NR2F1-AS1: variants seen among roughly 807,000 people sequenced by gnomAD.
The protein encoded by NR2F1-AS1 is NR2F1 regulatory antisense RNA 1.
chr5:93,544,286 G>A (rs1289616723), intron 4 of NR2F1-AS1, among the ~76,000 whole-genome samples: 1 of 152,042 alleles, frequency 6.6e-6, no homozygotes. Flanking sequence ...AAGACAAAAA[G>A]GCAAATGGTG....
intron 4 of NR2F1-AS1, among the ~76,000 whole-genome samples, chr5:93,506,443 C>A (rs1226473796): frequency 2.0e-5 from 3 of 152,132 alleles, no homozygotes; most frequent in African/African-American, 4.8e-5. Flanking sequence ...TCTACTGGTA[C>A]AAATTGACTG....
chr5:93,550,831 G>A (rs1752209953), intron 4 of NR2F1-AS1, among the ~76,000 whole-genome samples: 1 of 152,110 alleles, frequency 6.6e-6, no homozygotes, highest in Admixed American at 6.6e-5. Flanking sequence ...TACAGCATGT[G>A]TCAACTATCA....
chr5:93,495,608 C>G (rs1028449203), intron 4 of NR2F1-AS1, among the ~76,000 whole-genome samples: 1 of 151,810 alleles, frequency 6.6e-6, no homozygotes, highest in Non-Finnish European at 1.5e-5. Context: ...GAAGATAATA[C>G]CTACTGTTTT....
chr5:93,491,065 G>A (rs991239801), intron 4 of NR2F1-AS1, among the ~76,000 whole-genome samples: 39 of 150,070 alleles, frequency 2.6e-4, no homozygotes, highest in Non-Finnish European at 4.3e-4. Flanking sequence ...GGTGGTGGTC[G>A]TTCCTGGTAA....
intron 4 of NR2F1-AS1, among the ~76,000 whole-genome samples, chr5:93,454,319 A>G (rs1197889273): frequency 2.6e-5 from 4 of 152,308 alleles, no homozygotes; most frequent in Admixed American, 1.3e-4. Context: ...AAAGAAAAAG[A>G]TAAAGGAGAT....
At chr5:93,450,221 T>C (rs1749798076) in intron 4 of NR2F1-AS1, among the ~76,000 whole-genome samples, 1 of 152,212 alleles carries the variant, frequency 6.6e-6, no homozygotes. Context: ...CCAAAGCTGA[T>C]TTTAAGTCAT....
chr5:93,490,427 G>C (rs1476312362), intron 4 of NR2F1-AS1, among the ~76,000 whole-genome samples: 1 of 152,008 alleles, frequency 6.6e-6, no homozygotes, highest in Non-Finnish European at 1.5e-5. Context: ...GGTGGTGGTG[G>C]TCATGGTGAT....
intron 4 of NR2F1-AS1, among the ~76,000 whole-genome samples, chr5:93,457,639 C>T (rs1424423597): frequency 6.6e-6 from 1 of 152,074 alleles, no homozygotes; most frequent in Non-Finnish European, 1.5e-5. Context: ...TCGATGGTCG[C>T]TGTCTCTTTG....
intron 4 of NR2F1-AS1, among the ~76,000 whole-genome samples, chr5:93,437,557 G>A (rs1749469717): frequency 6.6e-6 from 1 of 152,112 alleles, no homozygotes; most frequent in South Asian, 2.1e-4. Context: ...GTTCCATAGT[G>A]TGTTATAAAT....
intron 1 of NR2F1-AS1, among the ~76,000 whole-genome samples, chr5:93,578,803 C>T (rs1306914451): frequency 6.6e-6 from 1 of 152,226 alleles, no homozygotes; most frequent in Non-Finnish European, 1.5e-5. Flanking sequence ...ATTGGGGGAT[C>T]TAAGTACTCT....
chr5:93,455,628 T>C (rs1329512798), intron 4 of NR2F1-AS1, among the ~76,000 whole-genome samples: 2 of 151,980 alleles, frequency 1.3e-5, no homozygotes, highest in Non-Finnish European at 2.9e-5. Context: ...ACCATATAAA[T>C]ACGAATTAGA....
intron 4 of NR2F1-AS1, among the ~76,000 whole-genome samples, chr5:93,413,760 T>C (rs1371888333): frequency 6.6e-6 from 1 of 152,252 alleles, no homozygotes; most frequent in African/African-American, 2.4e-5. Context: ...CTACAGTAAA[T>C]GTCTAAACTA....
At chr5:93,510,672 C>T (rs1025034459) in intron 4 of NR2F1-AS1, among the ~76,000 whole-genome samples, 2 of 152,116 alleles carry the variant, frequency 1.3e-5, no homozygotes, top group Non-Finnish European at 2.9e-5. Flanking sequence ...CATCTTTGCT[C>T]ACATTAATGT....
chr5:93,473,711 C>T (rs1750422460), intron 4 of NR2F1-AS1, among the ~76,000 whole-genome samples: 2 of 151,664 alleles, frequency 1.3e-5, no homozygotes, highest in Admixed American at 6.6e-5. Context: ...TACACACACA[C>T]ACTCAAATCC....
At chr5:93,422,568 C>T (rs538817357) in intron 4 of NR2F1-AS1, 1 of 152,146 alleles carries the variant, frequency 6.6e-6, no homozygotes, top group African/African-American at 2.4e-5. Context: ...AAAAGGCTTT[C>T]CTTTTCCTTT....
At chr5:93,416,590 T>G (rs905352824) in intron 4 of NR2F1-AS1, among the ~76,000 whole-genome samples, 6 of 152,308 alleles carry the variant, frequency 3.9e-5, no homozygotes, top group African/African-American at 1.4e-4. Flanking sequence ...GCTTTTTACC[T>G]TATATTATCT....
chr5:93,585,575 G>A, upstream of NR2F1-AS1: 2 of 1,083,440 alleles, frequency 1.8e-6, no homozygotes, highest in East Asian at 2.6e-5. Context: ...TGCTGTGTGG[G>A]GCTGGGGCTC....
intron 4 of NR2F1-AS1, among the ~76,000 whole-genome samples, chr5:93,498,313 C>G (rs1751007706): frequency 6.6e-6 from 1 of 151,970 alleles, no homozygotes; most frequent in South Asian, 2.1e-4. Context: ...TCTTTCTTGC[C>G]TTGTTTTTTC....
At chr5:93,478,020 C>T (rs1376303779) in intron 4 of NR2F1-AS1, among the ~76,000 whole-genome samples, 1 of 152,170 alleles carries the variant, frequency 6.6e-6, no homozygotes, top group Non-Finnish European at 1.5e-5. Flanking sequence ...GCTGCAATAA[C>T]AGCATGTACT....
Sources: allele counts gnomAD v4.1 joint callset (sites outside exome capture counted in the v4.1 genomes callset), GRCh38; gene constraint gnomAD v4.1.1; transcripts MANE v1.5; gene names NCBI Gene and HGNC (gene_info 2026-07-23, HGNC 2026-07-21).